KIF2A: variants seen among roughly 807,000 people sequenced by gnomAD.
KIF2A encodes the protein kinesin family member 2A, also known as kinesin-like protein KIF2A.
In KIF2A, 22 loss-of-function variants were observed where a neutral mutation model predicts 100.2. That is an observed-to-expected ratio of 0.22 (90% CI 0.16 to 0.31). KIF2A has a LOEUF of 0.31. Ranked by LOEUF, KIF2A falls within the 10% of genes least tolerant of loss-of-function variation. KIF2A has a pLI of 1.00. For missense variants in KIF2A, 495 were observed against 898.7 expected, an observed-to-expected ratio of 0.55 and a Z score of 5.74; for synonymous variants, 268 against 285.9, an observed-to-expected ratio of 0.94 and a Z score of 0.63.
At chr5:62,359,897 T>G (rs1302001586) in intron 9 of KIF2A, among the ~76,000 whole-genome samples, 1 of 152,204 alleles carries the variant, frequency 6.6e-6, no homozygotes, top group African/African-American at 2.4e-5. Flanking sequence ...CTGCTCCTTT[T>G]GTTCTGTACT....
chr5:62,357,763 C>T lies in KIF2A; in HGVS notation c.709+18C>T. On this transcript the variant is annotated intron_variant, in intron 8 of 20. Transcript: ENST00000407818. ...TAAAAAAGGTATGGCACTTAATGAG[C>T]TCTAATAAAAGATTGATTTTATCTT... 1 of 1,414,798 alleles carries T rather than the reference C, an allele frequency of 7.1e-7. No homozygotes were observed. Among genetic ancestry groups the T allele is most frequent in the Non-Finnish European group, 9.9e-7 (1 of 1,006,602 alleles). 87.6% of individuals were successfully genotyped at this position (1,414,798 alleles called of 1,614,324 possible).
chr5:62,311,212 A>C (rs1206909117), intron 1 of KIF2A, among the ~76,000 whole-genome samples: 1 of 152,220 alleles, frequency 6.6e-6, no homozygotes, highest in African/African-American at 2.4e-5. Context: ...AAATCAGACT[A>C]TCAAGAACTA....
At chr5:62,368,104 A>G (rs247223) in intron 16 of KIF2A, among the ~76,000 whole-genome samples, 74,156 of 151,944 alleles carry the variant, frequency 0.49, 19,068 homozygotes, top group African/African-American at 0.64. Context: ...CTTATAAAGT[A>G]AAAACTCCTG....
chr5:62,339,937 CTT>C (rs36051288), intron 1 of KIF2A, among the ~76,000 whole-genome samples: 15 of 130,546 alleles, frequency 1.1e-4, no homozygotes, highest in Admixed American at 1.6e-4. Flanking sequence ...ACTTTTAGTA[CTT>C]TTTTTTTTTT....
chr5:62,381,163 A>G lies in KIF2A; in HGVS notation c.2059A>G (p.Thr687Ala). 1 of 1,609,948 alleles carries G rather than the reference A, an allele frequency of 6.2e-7. No individual in the cohort carries two copies. The highest frequency in any genetic ancestry group is 8.5e-7 in the Non-Finnish European group (1 of 1,176,324). The change falls in exon 20 of 21, where the codon ACT becomes GCT. Residue 687 changes from threonine to alanine, a missense_variant. This residue lies in a region of KIF2A where 58 missense variants were observed against 94.8 expected (regional missense o/e 0.61). Transcript: ENST00000407818. ...AGATGAAAAGGCCCTCTTAGAGATG[A>G]CTGAAGAAGTAGATTATGATGTCGA... ...LEDEKALLEMTEEVDYDVDSY... is the reference protein window; with the variant it reads ...LEDEKALLEMAEEVDYDVDSY...
At position 62,388,940 on chromosome 5, in the gene KIF2A, T is replaced by C. The variant is rs1742162697; in HGVS notation, c.*3371T>C. 3.5e-6 allele frequency: 5 copies of C among 1,438,266 alleles called. No homozygotes were observed. Among genetic ancestry groups the C allele is most frequent in the Non-Finnish European group, 3.9e-6 (4 of 1,033,770 alleles). 89.1% of individuals were successfully genotyped at this position (1,438,266 alleles called of 1,614,324 possible). On this transcript the variant is annotated 3_prime_UTR_variant, in exon 21 of 21. Transcript: ENST00000407818. The stretch of plus-strand genomic sequence containing the variant: ...ATGTCTCAGTAAAGCAAAAGCATTA[T>C]CTTCTCAAATACAAAAAATACAAAA...
intron 11 of KIF2A, 122 bp downstream of exon 11, chr5:62,361,651 C>A: frequency 5.2e-6 from 3 of 572,258 alleles, no homozygotes; most frequent in South Asian, 5.2e-5. Context: ...TCTATTATGT[C>A]AATTATAGGT....
intron 1 of KIF2A, chr5:62,308,387 T>C: frequency 6.9e-7 from 1 of 1,453,160 alleles, no homozygotes; most frequent in Non-Finnish European, 9.3e-7. Flanking sequence ...CAGCAACACC[T>C]GTCCCTGGTA....
chr5:62,333,192 A>T (rs1253183263), intron 1 of KIF2A, among the ~76,000 whole-genome samples: 1 of 152,256 alleles, frequency 6.6e-6, no homozygotes, highest in African/African-American at 2.4e-5. Flanking sequence ...CCTTACATAA[A>T]TATTTGCCAG....
intron 6 of KIF2A, 39 bp downstream of exon 6, chr5:62,353,414 C>A: frequency 9.6e-7 from 1 of 1,038,836 alleles, no homozygotes; most frequent in Non-Finnish European, 1.4e-6. Flanking sequence ...ATGTACCAAC[C>A]AGAGATTAGA....
At chr5:62,363,668 A>G in intron 13 of KIF2A, 27 bp from the exon 14 acceptor site, 1 of 1,592,732 alleles carries the variant, frequency 6.3e-7, no homozygotes, top group Non-Finnish European at 8.6e-7. Context: ...TTTTTAATGT[A>G]TCAAGATGTC....
In KIF2A at chr5:62,389,063, A is replaced by C. The variant is rs760871814; in HGVS notation, c.*3494A>C. 1 of 1,609,284 alleles carries C rather than the reference A, an allele frequency of 6.2e-7. No homozygotes were observed. The highest frequency in any genetic ancestry group is 1.1e-5 in the South Asian group (1 of 90,700). On this transcript the variant is annotated 3_prime_UTR_variant, in exon 21 of 21. Coordinates refer to ENST00000407818, the MANE Select transcript of KIF2A (RefSeq NM_001098511.3). ...AATCCATGTAGCAATCTGAAAAAAG[A>C]AATCAAAATGGAATGGTACTGAAAA...
chr5:62,339,641 C>G (rs1192804656), intron 1 of KIF2A, among the ~76,000 whole-genome samples: 1 of 150,174 alleles, frequency 6.7e-6, no homozygotes, highest in Non-Finnish European at 1.5e-5. Context: ...AAAAACAACT[C>G]AAATGTCTGA....
Position 62,390,990 on chromosome 5 carries a change from T to C in KIF2A, c.*5421T>C, listed in dbSNP as rs1402371555. On this transcript the variant is annotated 3_prime_UTR_variant, in exon 21 of 21. Transcript: ENST00000407818. Reference sequence around the variant, plus strand: ...GAAATCTTCTGGTATTATCTATCAATATAAGATTCAGAATAAATGAACGAC... The same window carrying C: ...GAAATCTTCTGGTATTATCTATCAACATAAGATTCAGAATAAATGAACGAC... 1.2e-6 allele frequency: 2 copies of C among 1,608,444 alleles called. No individual in the cohort carries two copies. The highest frequency in any genetic ancestry group is 1.1e-5 in the South Asian group (1 of 90,976).
chr5:62,334,807 A>G (rs1746851022), intron 1 of KIF2A, among the ~76,000 whole-genome samples: 1 of 152,058 alleles, frequency 6.6e-6, no homozygotes, highest in African/African-American at 2.4e-5. Flanking sequence ...CAAAGTCTCT[A>G]CAGCAGCCAG....
chr5:62,326,428 A>G (rs1428318956), intron 1 of KIF2A, among the ~76,000 whole-genome samples: 2 of 152,118 alleles, frequency 1.3e-5, no homozygotes, highest in Admixed American at 6.5e-5. Flanking sequence ...CCACCAAGAA[A>G]TATAAACAAC....
chr5:62,370,573 AG>A (rs770502638), intron 16 of KIF2A, among the ~76,000 whole-genome samples: 53 of 152,308 alleles, frequency 3.5e-4, no homozygotes, highest in Admixed American at 5.9e-4. Context: ...CTGGGATTAC[AG>A]CATAAGCCAC....
chr5:62,388,919 C>A lies in KIF2A; in HGVS notation c.*3350C>A. 8.4e-7 allele frequency: 1 copy of A among 1,188,918 alleles called. No individual in the cohort carries two copies. Among genetic ancestry groups the A allele is most frequent in the South Asian group, 1.3e-5 (1 of 75,908 alleles). 73.6% of individuals were successfully genotyped at this position (1,188,918 alleles called of 1,614,324 possible). A position where few individuals can be genotyped will look rare whatever the true frequency, so the allele number is the denominator to read the frequency against. On this transcript the variant is annotated 3_prime_UTR_variant, in exon 21 of 21. Coordinates refer to ENST00000407818, the MANE Select transcript of KIF2A (RefSeq NM_001098511.3). The stretch of plus-strand genomic sequence containing the variant: ...CCAAAAATAGTCAAGTAAATAATGT[C>A]TCAGTAAAGCAAAAGCATTATCTTC...
chr5:62,371,184 G>T lies in KIF2A; in HGVS notation c.1647-1254G>T, dbSNP rs1741309284. Among the ~76,000 whole-genome samples, 4 of 152,040 alleles carry T rather than the reference G, an allele frequency of 2.6e-5. 1 individual carries two copies. In the South Asian group the frequency reaches 8.3e-4, roughly 32 times the overall value. On this transcript the variant is annotated intron_variant, in intron 16 of 20. Transcript: ENST00000407818. ...GGTGGGAGGATCACTTGAGCAGGAG[G>T]TCAAGGCTGCAATGAGCCATGACTG...
Sources: gnomAD v4.1 joint callset for allele counts (sites outside exome capture counted in the v4.1 genomes callset) on GRCh38, gnomAD v4.1.1 for gene constraint, gnomAD v4.1.1 regional missense constraint, MANE v1.5 for transcripts, NCBI Gene and HGNC (gene_info 2026-07-23, HGNC 2026-07-21) for gene names.